RTEL1: variants seen among roughly 807,000 people sequenced by gnomAD.
RTEL1 encodes regulator of telomere elongation helicase 1.
Under a neutral mutation model 162.2 loss-of-function variants are expected in RTEL1, and 86 were observed. The observed-to-expected ratio is 0.53, with a 90% CI of 0.45 to 0.63. The LOEUF (loss-of-function observed/expected upper bound fraction) is 0.63, where lower values mean the gene tolerates loss of function less well. Among genes scored for constraint, RTEL1 ranks in the 30% least tolerant of loss-of-function variants. The pLI, the probability that RTEL1 is intolerant of heterozygous loss-of-function variation, is 0.00. For missense variants in RTEL1, 1,941 were observed against 1,750.2 expected (o/e 1.11, Z -1.95); for synonymous variants, 958 against 717.9 (o/e 1.33, Z -5.35).
At position 63,685,828 on chromosome 20, in the gene RTEL1, C is replaced by A; in HGVS notation, c.1304C>A (p.Ala435Asp). 1 of 1,612,676 alleles carries A rather than the reference C, an allele frequency of 6.2e-7. No individual in the cohort carries two copies. Among genetic ancestry groups the A allele is most frequent in the East Asian group, 2.2e-5 (1 of 44,872 alleles). The change falls in exon 16 of 35, where the codon GCT (alanine) becomes GAT (aspartate). Residue 435 changes from alanine (A) to aspartate (D), a missense_variant. Coordinates refer to ENST00000360203, the MANE Select transcript of RTEL1 (RefSeq NM_001283009.2). ...CCTGATGCTGGTCACCGGAGGACGG[C>A]TCAGCGGTCTGATGCCTGGAGCACC... ...IHPDAGHRRTAQRSDAWSTTA... is the reference protein window; with the variant it reads ...IHPDAGHRRTDQRSDAWSTTA...
At chr20:63,690,666 C>G (rs908527385) in intron 26 of RTEL1, 139 bp from the exon 27 acceptor site, 9 of 1,070,152 alleles carry the variant, frequency 8.4e-6, no homozygotes, top group Middle Eastern at 3.1e-4. Context: ...GAGGCTGAGA[C>G]TCCCCCCAAT....
rs967513149 is a variant in RTEL1 at position 63,682,546 on chromosome 20, T to C, written c.1191+1827T>C. 4.1e-6 allele frequency: 4 copies of C among 985,762 alleles called. No homozygotes were observed. The African/African-American group carries it at 7.0e-5, about 17-fold the overall frequency. 61.1% of individuals were successfully genotyped at this position (985,762 alleles called of 1,614,324 possible). On this transcript the variant is annotated intron_variant, in intron 14 of 34. Coordinates refer to ENST00000360203, the MANE Select transcript of RTEL1 (RefSeq NM_001283009.2). ...CCATCGGTTTGGAATTTCCTTTGGC[T>C]GCTGCTCTAAGTAGCCGCTGGTGGA...
chr20:63,680,516 T>G lies in RTEL1; in HGVS notation c.1136-148T>G, dbSNP rs958970573. On this transcript the variant is annotated intron_variant, in intron 13 of 34. Transcript: ENST00000360203. ...GAGCAGGCGAACTGCCCGCCCTGAA[T>G]GGATGCTGCGCTCCACCCTGGGCCC... 1.7e-5 allele frequency: 13 copies of G among 777,418 alleles called. No homozygotes were observed. In the African/African-American group the frequency reaches 2.1e-4, roughly 12 times the overall value. The allele number at this position is 777,418 out of a possible 1,614,324, so 48.2% of individuals were successfully genotyped here. A position where few individuals can be genotyped will look rare whatever the true frequency, so the allele number is the denominator to read the frequency against.
Position 63,680,684 on chromosome 20 carries a change from A to G in RTEL1, c.1156A>G (p.Thr386Ala). ...TCCAGGTGCTGGAGTGTTCACCAAC[A>G]CGGCCGGACTGCAGAAGCTGGCGGA... is the stretch of plus-strand genomic sequence containing the variant. ...LAGRAGVFTN[T>A]AGLQKLADII... The change falls in exon 14 of 35, where the codon ACG (threonine) becomes GCG (alanine). Residue 386 changes from threonine to alanine, a missense_variant. By Grantham distance (58) the Thr-to-Ala change is moderately conservative. Transcript: ENST00000360203. 2 of 1,613,152 alleles carry G rather than the reference A, an allele frequency of 1.2e-6. No homozygotes were observed. Among genetic ancestry groups the G allele is most frequent in the Non-Finnish European group, 1.7e-6 (2 of 1,179,926 alleles).
At chr20:63,671,508 G>T (rs2090240806) in intron 8 of RTEL1, among the ~76,000 whole-genome samples, 1 of 151,806 alleles carries the variant, frequency 6.6e-6, no homozygotes, top group Admixed American at 6.6e-5. Flanking sequence ...TTGAGACGGG[G>T]TCTTGCTCTG....
In RTEL1 at chr20:63,693,465, A is replaced by T. The variant is rs796580003; in HGVS notation, c.2992+182A>T. Among the ~76,000 whole-genome samples the T allele has an allele frequency of 0.062, 1,526 of 24,702 alleles. 177 individuals carry two copies. Among genetic ancestry groups the T allele is most frequent in the Middle Eastern group, 0.097 (7 of 72 alleles). The allele number at this position is 24,702 out of a possible 152,430, so 16.2% of individuals were successfully genotyped here. ...CACCAGCAGCACCACCTCCACCTCCACCTCCACCTCCACCTCCACCACCAC... is the reference window on the plus strand; with the variant it reads ...CACCAGCAGCACCACCTCCACCTCCTCCTCCACCTCCACCTCCACCACCAC... On this transcript the variant is annotated intron_variant, in intron 30 of 34. Coordinates refer to ENST00000360203, the MANE Select transcript of RTEL1 (RefSeq NM_001283009.2).
chr20:63,673,783 T>G (rs533837792), intron 9 of RTEL1, among the ~76,000 whole-genome samples, 157 bp from the exon 10 acceptor site: 1 of 152,298 alleles, frequency 6.6e-6, no homozygotes, highest in Non-Finnish European at 1.5e-5. Flanking sequence ...CACAGTCATG[T>G]TTGGACCTAC....
intron 20 of RTEL1, 44 bp from the exon 21 acceptor site, chr20:63,688,484 C>T (rs1016536167): frequency 1.5e-5 from 24 of 1,605,324 alleles, no homozygotes; most frequent in South Asian, 2.2e-5. Flanking sequence ...ATCGGATCGG[C>T]GGCGTGACCA....
In RTEL1 at chr20:63,688,098, C is replaced by T. The variant is rs763871560; in HGVS notation, c.1596-41C>T. On this transcript the variant is annotated intron_variant, in intron 18 of 34. Coordinates refer to ENST00000360203, the MANE Select transcript of RTEL1 (RefSeq NM_001283009.2). Reference sequence around the variant, plus strand: ...TGCTGGGGTGGGAGGTGGGGGAGCACTGAGGCCTGAGGTCCTGAGCAGTGG... The same window carrying T: ...TGCTGGGGTGGGAGGTGGGGGAGCATTGAGGCCTGAGGTCCTGAGCAGTGG... 1.9e-5 allele frequency: 30 copies of T among 1,612,172 alleles called. No homozygotes were observed. In the South Asian group the frequency reaches 2.6e-4, roughly 14 times the overall value.
chr20:63,680,582 G>A lies in RTEL1; in HGVS notation c.1136-82G>A, dbSNP rs747829649. ...ATGGAGCTTGGCAGTCGGGCTGAGC[G>A]GGCTCATGCTGGAAGGGCCGGGGCT... On this transcript the variant is annotated intron_variant, in intron 13 of 34. Coordinates refer to ENST00000360203, the MANE Select transcript of RTEL1 (RefSeq NM_001283009.2). 7.3e-4 allele frequency: 1,074 copies of A among 1,461,770 alleles called. 3 individuals are homozygous for A. Among genetic ancestry groups the A allele is most frequent in the Non-Finnish European group, 8.5e-4 (888 of 1,050,510 alleles). 90.5% of individuals were successfully genotyped at this position (1,461,770 alleles called of 1,614,324 possible). A position where few individuals can be genotyped will look rare whatever the true frequency, so the allele number is the denominator to read the frequency against.
In RTEL1 at chr20:63,693,224, A is replaced by T. The variant is rs750109305; in HGVS notation, c.2933A>T (p.Tyr978Phe). ...CAGCTGACAGGACGAGGCTGTGGCT[A>T]TCGGCCTGAGCACAGCATTCCCCGA... ...CIQLTGRGCG[Y>F]RPEHSIPRRQ... The change falls in exon 30 of 35, where the codon TAT becomes TTT. Residue 978 changes from tyrosine (Y) to phenylalanine (F), a missense_variant. Tyr to Phe is a conservative substitution (Grantham distance 22). Coordinates refer to ENST00000360203, the MANE Select transcript of RTEL1 (RefSeq NM_001283009.2). 6.2e-7 allele frequency: 1 copy of T among 1,612,108 alleles called. No homozygotes were observed. Among genetic ancestry groups the T allele is most frequent in the East Asian group, 2.2e-5 (1 of 44,878 alleles).
At chr20:63,682,052 C>T (rs1028664478) in intron 14 of RTEL1, 1 of 985,462 alleles carries the variant, frequency 1.0e-6, no homozygotes, top group African/African-American at 1.7e-5. Context: ...GGTAGCCCTG[C>T]AGCCCAGGGC....
At chr20:63,689,187 C>G in intron 22 of RTEL1, 55 bp downstream of exon 22, 1 of 1,527,860 alleles carries the variant, frequency 6.5e-7, no homozygotes, top group Non-Finnish European at 9.0e-7. Context: ...CTGGTGGGTG[C>G]TTATGGCTCC....
In RTEL1 at chr20:63,690,306, GC is replaced by G; in HGVS notation, c.2284del (p.Arg762GlyfsTer38). Reference protein sequence around the residue: ...RVAERTMPAPAPRATAPSVRG... With the variant: ...RVAERTMPAPXPRATAPSVRG... ...CATGGTTCTGCAGATGCCAGCGCCG[GC>G]CCCCCGGGCTACAGCACCCAGTGTG... On this transcript the variant is annotated frameshift_variant, in exon 26 of 35. Coordinates refer to ENST00000360203, the MANE Select transcript of RTEL1 (RefSeq NM_001283009.2). LOFTEE classifies it high-confidence loss of function. The G allele has an allele frequency of 2.5e-6, 4 of 1,605,230 alleles. No homozygotes were observed. Among genetic ancestry groups the G allele is most frequent in the East Asian group, 2.2e-5 (1 of 44,634 alleles).
At chr20:63,669,646 C>G (rs1470616512) in intron 8 of RTEL1, among the ~76,000 whole-genome samples, 11 of 152,138 alleles carry the variant, frequency 7.2e-5, no homozygotes, top group South Asian at 2.1e-4. Context: ...GACGTTTCAC[C>G]AAGATGGGTG....
chr20:63,692,781 G>C, intron 28 of RTEL1, 24 bp from the exon 29 acceptor site: 1 of 1,598,988 alleles, frequency 6.3e-7, no homozygotes, highest in South Asian at 1.1e-5. Flanking sequence ...GGCCCTGATG[G>C]AGCCTCGGGC....
At position 63,694,409 on chromosome 20, in the gene RTEL1, G is replaced by A. The variant is rs6011036; in HGVS notation, c.3030G>A (p.Thr1010=). The change falls in exon 31 of 35, where the codon ACG becomes ACA. Residue 1010 remains threonine (T), a synonymous_variant. Coordinates refer to ENST00000360203, the MANE Select transcript of RTEL1 (RefSeq NM_001283009.2). The part of the protein sequence containing the change: ...TAPDPKLTVS[T]AAAQQLDPQE... ...CGGATCCCAAGCTGACCGTGTCCAC[G>A]GCTGCAGCCCAGCAGCTGGACCCCC... The A allele has an allele frequency of 6.4e-5, 103 of 1,610,592 alleles. 1 individual carries two copies. The South Asian group carries it at 7.1e-4, about 11-fold the overall frequency.
chr20:63,668,609 C>T lies in RTEL1; in HGVS notation c.699+1056C>T, dbSNP rs372791101. 1.3e-5 allele frequency among the ~76,000 whole-genome samples: 2 copies of T among 151,790 alleles called. No homozygotes were observed. The highest frequency in any genetic ancestry group is 6.6e-5 in the Admixed American group (1 of 15,216). ...GAGCAAGGGAAGAGGTGAGTGGGGGCGGCTGGGGGGCCGACTCCTGGGAAG... is the reference window on the plus strand; with the variant it reads ...GAGCAAGGGAAGAGGTGAGTGGGGGTGGCTGGGGGGCCGACTCCTGGGAAG... On this transcript the variant is annotated intron_variant, in intron 8 of 34. Transcript: ENST00000360203. The surrounding 1 kb of genome is among the most constrained non-coding windows in gnomAD (Gnocchi z 4.3).
chr20:63,673,990 G>A lies in RTEL1; in HGVS notation c.816G>A (p.Leu272=), dbSNP rs1241447905. 1 of 1,614,084 alleles carries A rather than the reference G, an allele frequency of 6.2e-7. No individual in the cohort carries two copies. The highest frequency in any genetic ancestry group is 8.5e-7 in the Non-Finnish European group (1 of 1,179,978). Residue 272 remains leucine (L), a synonymous_variant, in exon 10 of 35, where the codon CTG becomes CTA. Coordinates refer to ENST00000360203, the MANE Select transcript of RTEL1 (RefSeq NM_001283009.2). ...CCTTTGACCTGACTCCCCATGACCT[G>A]GCTTCAGGACTGGACGTCATAGACC... ...SASFDLTPHD[L]ASGLDVIDQV...
Sources: gnomAD v4.1 joint callset for allele counts (sites outside exome capture counted in the v4.1 genomes callset) on GRCh38, gnomAD v4.1.1 for gene constraint, Gnocchi (gnomAD v3.1) non-coding constraint, MANE v1.5 for transcripts, NCBI Gene and HGNC (gene_info 2026-07-23, HGNC 2026-07-21) for gene names.